Variants in DLG2 observed in about 807,000 individuals in gnomAD.
The protein encoded by DLG2 is discs large MAGUK scaffold protein 2.
A neutral mutation model predicts 132.5 loss-of-function variants in DLG2; 45 were observed. That is an observed-to-expected ratio of 0.34 (90% CI 0.27 to 0.44). The LOEUF (loss-of-function observed/expected upper bound fraction) is 0.44. Ranked by LOEUF, DLG2 falls within the 20% of genes least tolerant of loss-of-function variation. The pLI is 1.00. For synonymous variants in DLG2, 424 were observed against 419.6 expected, an observed-to-expected ratio of 1.01 and a Z score of -0.13; for missense variants, 1,045 against 1,196.9, an observed-to-expected ratio of 0.87 and a Z score of 1.87.
At chr11:83,654,787 G>A (rs34043242) in intron 18 of DLG2, among the ~76,000 whole-genome samples, 3,983 of 152,278 alleles carry the variant, frequency 0.026, 92 homozygotes, top group African/African-American at 0.057. Flanking sequence ...GGATATTGCC[G>A]AATGAGGTTA....
At chr11:83,858,258 C>T (rs1264684841) in intron 16 of DLG2, among the ~76,000 whole-genome samples, 1 of 152,122 alleles carries the variant, frequency 6.6e-6, no homozygotes, top group Non-Finnish European at 1.5e-5. Flanking sequence ...AGAAAAATGG[C>T]TTCTTGGGTA....
chr11:83,965,384 C>T lies in DLG2; in HGVS notation c.1141G>A (p.Val381Ile), dbSNP rs1218309413. 4 of 1,612,352 alleles carry T rather than the reference C, an allele frequency of 2.5e-6. No homozygotes were observed. Among genetic ancestry groups the T allele is most frequent in the East Asian group, 2.2e-5 (1 of 44,820 alleles). ...ATATAAATGGTAGTGGGTTTGCCAA[C>T]TTTTAAATAAACTACCTCTGATGTG... is the stretch of plus-strand genomic sequence containing the variant. ...KNTSEVVYLK[V>I]GKPTTIYMTD... Residue 381 changes from valine (V) to isoleucine (I), a missense_variant, in exon 13 of 28, where the codon GTT becomes ATT. Val to Ile is a conservative substitution (Grantham distance 29, BLOSUM62 3). Coordinates refer to ENST00000376104, the MANE Select transcript of DLG2 (RefSeq NM_001142699.3).
At chr11:84,423,823 G>A (rs1196256746) in intron 7 of DLG2, among the ~76,000 whole-genome samples, 2 of 149,396 alleles carry the variant, frequency 1.3e-5, no homozygotes, top group East Asian at 1.9e-4. Context: ...AACATACATA[G>A]GCAATACACA....
intron 3 of DLG2, among the ~76,000 whole-genome samples, chr11:85,372,255 G>A (rs1158944065): frequency 6.6e-6 from 1 of 152,182 alleles, no homozygotes; most frequent in Admixed American, 6.5e-5. Context: ...TTTTGGGAAA[G>A]TAAGACTGAG....
chr11:83,879,489 T>A (rs2065605175), intron 15 of DLG2, among the ~76,000 whole-genome samples: 1 of 152,190 alleles, frequency 6.6e-6, no homozygotes, highest in Non-Finnish European at 1.5e-5. Flanking sequence ...TACCTTAATA[T>A]TTCTTTCTTC....
At chr11:84,641,709 G>C (rs983410612) in intron 6 of DLG2, among the ~76,000 whole-genome samples, 2 of 152,068 alleles carry the variant, frequency 1.3e-5, no homozygotes, top group Non-Finnish European at 2.9e-5. Flanking sequence ...ATTACCTTGG[G>C]CAAGAGCTTA....
intron 6 of DLG2, among the ~76,000 whole-genome samples, chr11:84,630,433 T>G (rs1370027573): frequency 1.3e-5 from 2 of 152,226 alleles, no homozygotes; most frequent in Non-Finnish European, 2.9e-5. Context: ...GCTGTGCTCT[T>G]AACTGCAAGT....
At chr11:85,042,601 TAAG>T (rs1465164881) in intron 6 of DLG2, among the ~76,000 whole-genome samples, 1 of 151,982 alleles carries the variant, frequency 6.6e-6, no homozygotes, top group Non-Finnish European at 1.5e-5. Context: ...TGTGAATCTC[TAAG>T]AAGAATGCTT....
chr11:83,612,877 G>A (rs527252266), intron 19 of DLG2, among the ~76,000 whole-genome samples: 1 of 152,126 alleles, frequency 6.6e-6, no homozygotes, highest in Non-Finnish European at 1.5e-5. Flanking sequence ...GGGTGTAGAG[G>A]TAGGCAGAGT....
intron 8 of DLG2, among the ~76,000 whole-genome samples, chr11:84,219,436 A>G (rs2096884668): frequency 6.6e-6 from 1 of 152,244 alleles, no homozygotes. Flanking sequence ...TAGAAAAACC[A>G]CAAAGTACGT....
intron 8 of DLG2, among the ~76,000 whole-genome samples, chr11:84,224,004 G>A (rs1425088482): frequency 2.0e-5 from 3 of 152,194 alleles, no homozygotes; most frequent in African/African-American, 7.2e-5. Context: ...TGAGGGTTTA[G>A]GCCTCCAGGT....
intron 7 of DLG2, among the ~76,000 whole-genome samples, chr11:84,373,634 C>A (rs1015359070): frequency 6.6e-6 from 1 of 151,782 alleles, no homozygotes; most frequent in African/African-American, 2.4e-5. Flanking sequence ...GAAATAATGA[C>A]TAGTGAAGGA....
chr11:84,287,611 C>T (rs1229546269), intron 7 of DLG2, among the ~76,000 whole-genome samples: 1 of 151,936 alleles, frequency 6.6e-6, no homozygotes, highest in Non-Finnish European at 1.5e-5. Flanking sequence ...ATGTTTTAGT[C>T]AGTGTTGCGT....
chr11:85,182,943 G>A (rs2079823730), intron 4 of DLG2, among the ~76,000 whole-genome samples: 1 of 150,900 alleles, frequency 6.6e-6, no homozygotes, highest in Non-Finnish European at 1.5e-5. Flanking sequence ...CAGAGTCGAT[G>A]CATCTCCCAG....
intron 8 of DLG2, among the ~76,000 whole-genome samples, chr11:84,164,813 C>T (rs1197861032): frequency 2.0e-5 from 3 of 152,152 alleles, no homozygotes; most frequent in Non-Finnish European, 2.9e-5. Context: ...TTTTGATTTT[C>T]TAATTACGTG....
intron 19 of DLG2, among the ~76,000 whole-genome samples, chr11:83,567,667 A>G (rs2096730615): frequency 6.6e-6 from 1 of 152,190 alleles, no homozygotes; most frequent in African/African-American, 2.4e-5. Context: ...CCAAGAAGAA[A>G]GAGTTCAGGG....
intron 15 of DLG2, among the ~76,000 whole-genome samples, chr11:83,886,222 C>T (rs1595934200): frequency 6.6e-6 from 1 of 152,100 alleles, no homozygotes; most frequent in Non-Finnish European, 1.5e-5. Flanking sequence ...TGCAGAGACA[C>T]ATATAGGCTC....
intron 6 of DLG2, among the ~76,000 whole-genome samples, chr11:84,570,760 A>T (rs770956036): frequency 2.0e-5 from 3 of 152,024 alleles, no homozygotes; most frequent in Admixed American, 2.0e-4. Flanking sequence ...TCCCTTCATC[A>T]TCTCAGTTTA....
chr11:85,080,914 T>C (rs2154171641), intron 6 of DLG2, among the ~76,000 whole-genome samples: 1 of 152,232 alleles, frequency 6.6e-6, no homozygotes, highest in South Asian at 2.1e-4. Flanking sequence ...ATTTAGGATT[T>C]GAATTGAGGA....
Sources: allele counts gnomAD v4.1 joint callset (sites outside exome capture counted in the v4.1 genomes callset), GRCh38; gene constraint gnomAD v4.1.1; transcripts MANE v1.5; gene names NCBI Gene and HGNC (gene_info 2026-07-23, HGNC 2026-07-21).